Variants in SLC12A1 observed in about 807,000 individuals in gnomAD.
The protein encoded by SLC12A1 is solute carrier family 12 member 1, also known as Na-K-2Cl cotransporter.
Under a neutral mutation model 130.4 loss-of-function variants are expected in SLC12A1, and 89 were observed. The ratio of observed to expected loss-of-function variants is 0.68; its 90% CI spans 0.58 to 0.81. The LOEUF (loss-of-function observed/expected upper bound fraction) is 0.81. Ranked by LOEUF, SLC12A1 falls within the 40% of genes least tolerant of loss-of-function variation. The probability of loss-of-function intolerance (pLI) is 0.00; values close to 1 mark genes in which losing one functional copy is unlikely to be tolerated. For synonymous variants in SLC12A1, 499 were observed against 460.0 expected, an observed-to-expected ratio of 1.08 and a Z score of -1.09; for missense variants, 1,310 against 1,336.4, an observed-to-expected ratio of 0.98 and a Z score of 0.31.
intron 14 of SLC12A1, 37 bp from the exon 15 acceptor site, chr15:48,251,578 A>G: frequency 1.3e-6 from 2 of 1,547,914 alleles, no homozygotes; most frequent in Non-Finnish European, 1.8e-6. Context: ...TGATCATAGT[A>G]GAGTGGAAGT....
chr15:48,226,929 A>C, intron 5 of SLC12A1: 1 of 632,016 alleles, frequency 1.6e-6, no homozygotes, highest in Admixed American at 2.9e-5. Flanking sequence ...GGTGCTTCCT[A>C]GACCTTCATG....
At chr15:48,250,674 C>CCCCACACACACACACA (rs750040638) in intron 14 of SLC12A1, among the ~76,000 whole-genome samples, 3 of 56,128 alleles carry the variant, frequency 5.3e-5, no homozygotes, top group African/African-American at 2.8e-4. Flanking sequence ...AAAATGTCTG[C>CCCCACACACACACACA]CTCACACACA....
chr15:48,289,610 C>T (rs191961236), intron 23 of SLC12A1, among the ~76,000 whole-genome samples: 1 of 152,168 alleles, frequency 6.6e-6, no homozygotes, highest in African/African-American at 2.4e-5. Context: ...GCCTACTACA[C>T]ACCTAGGTTA....
rs144774065 is a variant in SLC12A1 at position 48,257,197 on chromosome 15, A to T, written c.2042+1287A>T. On this transcript the variant is annotated intron_variant, in intron 16 of 26. Coordinates refer to ENST00000380993, the MANE Select transcript of SLC12A1 (RefSeq NM_000338.3). ...CATGTTGATGCAAGGTGGGTTCCCAAGGTGTTGAGCAGCTCTGCCCCTGTG... is the reference window on the plus strand; with the variant it reads ...CATGTTGATGCAAGGTGGGTTCCCATGGTGTTGAGCAGCTCTGCCCCTGTG... Among the ~76,000 whole-genome samples the T allele has an allele frequency of 4.9e-3, 739 of 152,330 alleles. 8 individuals carry two copies. The highest frequency in any genetic ancestry group is 0.044 in the Middle Eastern group (13 of 294).
chr15:48,246,058 C>A (rs573049519), intron 11 of SLC12A1, among the ~76,000 whole-genome samples: 5 of 152,312 alleles, frequency 3.3e-5, no homozygotes, highest in African/African-American at 1.2e-4. Flanking sequence ...GTCGCGAAAG[C>A]TTCATTCTTC....
At chr15:48,248,906 T>C in intron 13 of SLC12A1, among the ~76,000 whole-genome samples, 1 of 152,082 alleles carries the variant, frequency 6.6e-6, no homozygotes, top group South Asian at 2.1e-4. Context: ...TACCTGGGCA[T>C]GGTGGTGGGT....
rs763643735 is a variant in SLC12A1 at position 48,244,832 on chromosome 15, A to C, written c.1380A>C (p.Ala460=). ...GGATGAACTGCAATGGTTCAGCAGC[A>C]TGTGGGTTGGGCTATGACTTCTCAA... is the stretch of plus-strand genomic sequence containing the variant. The part of the protein sequence containing the change: ...ISGMNCNGSA[A]CGLGYDFSRC... The change falls in exon 11 of 27, where the codon GCA becomes GCC. Residue 460 remains alanine (A), a synonymous_variant. Transcript: ENST00000380993. The C allele has an allele frequency of 6.2e-7, 1 of 1,614,002 alleles. No individual in the cohort carries two copies. The highest frequency in any genetic ancestry group is 8.5e-7 in the Non-Finnish European group (1 of 1,179,858).
intron 21 of SLC12A1, 82 bp from the exon 22 acceptor site, chr15:48,287,961 T>G: frequency 6.9e-7 from 1 of 1,441,032 alleles, no homozygotes; most frequent in Non-Finnish European, 9.3e-7. Flanking sequence ...TTTTCTCTAT[T>G]TTCATCACTA....
At chr15:48,283,369 A>AC (rs982991014) in intron 20 of SLC12A1, among the ~76,000 whole-genome samples, 3 of 149,708 alleles carry the variant, frequency 2.0e-5, no homozygotes, top group Non-Finnish European at 4.4e-5. Flanking sequence ...ATTGGTTGTG[A>AC]CCCCCCAGTG....
At chr15:48,225,874 C>T in intron 4 of SLC12A1, 1 of 984,702 alleles carries the variant, frequency 1.0e-6, no homozygotes. Flanking sequence ...TTATCATCGG[C>T]TTAGCCGTGA....
rs993267316 is a variant in SLC12A1 at position 48,258,316 on chromosome 15, C to G, written c.2043-884C>G. ...GCGGAGCTTGCAGTGAGCCGAGATCCCGCCACTGCACTCCAGCCTGGGCGA... is the reference window on the plus strand; with the variant it reads ...GCGGAGCTTGCAGTGAGCCGAGATCGCGCCACTGCACTCCAGCCTGGGCGA... On this transcript the variant is annotated intron_variant, in intron 16 of 26. Transcript: ENST00000380993. Among the ~76,000 whole-genome samples, 12 of 121,712 alleles carry G rather than the reference C, an allele frequency of 9.9e-5. 1 individual carries two copies. Among genetic ancestry groups the G allele is most frequent in the East Asian group, 7.7e-4 (3 of 3,912 alleles). 79.8% of individuals were successfully genotyped at this position (121,712 alleles called of 152,430 possible).
intron 19 of SLC12A1, among the ~76,000 whole-genome samples, chr15:48,273,898 T>C (rs961708110): frequency 6.6e-6 from 1 of 152,196 alleles, no homozygotes; most frequent in Non-Finnish European, 1.5e-5. Context: ...ATTGACTTGC[T>C]TCCATATTTA....
At chr15:48,243,626 C>T (rs2141053344) in intron 10 of SLC12A1, among the ~76,000 whole-genome samples, 1 of 152,296 alleles carries the variant, frequency 6.6e-6, no homozygotes, top group Admixed American at 6.5e-5. Flanking sequence ...TGCACTCCAG[C>T]CTGGGTGACA....
Position 48,288,363 on chromosome 15 carries a change from T to C in SLC12A1, c.2762-42T>C, listed in dbSNP as rs1198581944. ...ATATAAAGCTATTCATTTCCTTCCA[T>C]TTAGATATACTCATTGTGTCATAAT... On this transcript the variant is annotated intron_variant, in intron 22 of 26. Coordinates refer to ENST00000380993, the MANE Select transcript of SLC12A1 (RefSeq NM_000338.3). 6.0e-6 allele frequency: 7 copies of C among 1,157,252 alleles called. No homozygotes were observed. The East Asian group carries it at 1.5e-4, about 25-fold the overall frequency. The allele number at this position is 1,157,252 out of a possible 1,614,324, so 71.7% of individuals were successfully genotyped here.
intron 15 of SLC12A1, among the ~76,000 whole-genome samples, chr15:48,254,432 C>A (rs571198443): frequency 1.3e-5 from 2 of 151,826 alleles, no homozygotes; most frequent in East Asian, 3.9e-4. Context: ...CAATATTGAT[C>A]TTCTTTATCT....
chr15:48,247,217 A>G (rs1365150182), intron 12 of SLC12A1, 120 bp from the exon 13 acceptor site: 2 of 1,062,940 alleles, frequency 1.9e-6, no homozygotes, highest in Non-Finnish European at 1.4e-6. Context: ...CTGCAGTGTT[A>G]ACTTGTGCCT....
At chr15:48,258,492 T>C (rs557175610) in intron 16 of SLC12A1, among the ~76,000 whole-genome samples, 16 of 151,728 alleles carry the variant, frequency 1.1e-4, no homozygotes, top group African/African-American at 3.9e-4. Flanking sequence ...GTCAAAGCCA[T>C]TCAATGAGTC....
In SLC12A1 at chr15:48,301,261, C is replaced by A. The variant is rs1489832887; in HGVS notation, c.3097-54C>A. The A allele has an allele frequency of 8.6e-6, 10 of 1,156,658 alleles. No homozygotes were observed. In the East Asian group the frequency reaches 2.0e-4, roughly 23 times the overall value. The allele number at this position is 1,156,658 out of a possible 1,614,324, so 71.6% of individuals were successfully genotyped here. A position where few individuals can be genotyped will look rare whatever the true frequency, so the allele number is the denominator to read the frequency against. On this transcript the variant is annotated intron_variant, in intron 25 of 26. Transcript: ENST00000380993. Reference sequence around the variant, plus strand: ...TGTTCATGATTTAAGAAAATAAATTCTCATTCATAATTCTGGTAGAACTGT... The same window carrying A: ...TGTTCATGATTTAAGAAAATAAATTATCATTCATAATTCTGGTAGAACTGT...
intron 4 of SLC12A1, among the ~76,000 whole-genome samples, chr15:48,221,799 T>C (rs1314193290): frequency 1.3e-5 from 2 of 152,342 alleles, no homozygotes; most frequent in Non-Finnish European, 2.9e-5. Context: ...AAATACATTA[T>C]GAATTCACTT....
Sources: allele counts gnomAD v4.1 joint callset (sites outside exome capture counted in the v4.1 genomes callset), GRCh38; gene constraint gnomAD v4.1.1; transcripts MANE v1.5; gene names NCBI Gene and HGNC (gene_info 2026-07-23, HGNC 2026-07-21).